Variants in CYP11A1 observed in about 807,000 individuals in gnomAD.
The protein encoded by CYP11A1 is cytochrome P450 family 11 subfamily A member 1.
A neutral mutation model predicts 51.9 loss-of-function variants in CYP11A1; 25 were observed. The observed-to-expected ratio is 0.48, with a 90% CI of 0.35 to 0.67. CYP11A1 has a LOEUF of 0.67. Among genes scored for constraint, CYP11A1 ranks in the 30% least tolerant of loss-of-function variants. The pLI, the probability that CYP11A1 is intolerant of heterozygous loss-of-function variation, is 0.00. For missense variants in CYP11A1, 578 were observed against 680.9 expected, an observed-to-expected ratio of 0.85 and a Z score of 1.68; for synonymous variants, 245 against 262.1, an observed-to-expected ratio of 0.93 and a Z score of 0.63.
intron 1 of CYP11A1, among the ~76,000 whole-genome samples, chr15:74,351,542 A>G (rs949162232): frequency 4.6e-5 from 7 of 152,194 alleles, no homozygotes; most frequent in African/African-American, 1.7e-4. Flanking sequence ...CAGAGGGGAA[A>G]GCCTGCATGT....
intron 1 of CYP11A1, 120 bp downstream of exon 1, chr15:74,367,190 AAAAAAAG>A: frequency 2.0e-6 from 2 of 998,546 alleles, no homozygotes; most frequent in Non-Finnish European, 1.5e-6. Context: ...AAAAAAAAAA[AAAAAAAG>A]AAGTTAGACA....
At position 74,345,114 on chromosome 15, in the gene CYP11A1, G is replaced by A. The variant is rs775659306; in HGVS notation, c.555C>T (p.Arg185=). The change falls in exon 3 of 9, where the codon CGC becomes CGT. Residue 185 remains arginine (R), a synonymous_variant. Coordinates refer to ENST00000268053, the MANE Select transcript of CYP11A1 (RefSeq NM_000781.3). This position sits in a 1 kb window ranked among gnomAD's most constrained non-coding sequence, Gnocchi z 4.3. Reference sequence around the variant, plus strand: ...AATTTCCGGAGCCCGCCTTCTTGATGCGCCTGTGCAGGACACTGACGAAGT... The same window carrying A: ...AATTTCCGGAGCCCGCCTTCTTGATACGCCTGTGCAGGACACTGACGAAGT... ...SRDFVSVLHR[R]IKKAGSGNYS... 21 of 1,613,988 alleles carry A rather than the reference G, an allele frequency of 1.3e-5. No individual in the cohort carries two copies. The Middle Eastern group carries it at 9.9e-4, about 76-fold the overall frequency.
intron 1 of CYP11A1, chr15:74,350,212 C>T (rs1197857917): frequency 9.9e-6 from 3 of 302,936 alleles, no homozygotes; most frequent in Non-Finnish European, 1.4e-5. Context: ...TTGTATCTGA[C>T]TTCAATTTTT....
intron 5 of CYP11A1, 67 bp downstream of exon 5, chr15:74,342,910 G>A: frequency 6.5e-7 from 1 of 1,533,872 alleles, no homozygotes; most frequent in East Asian, 2.2e-5. Flanking sequence ...AGACAACGAG[G>A]GGCCTGGTGG....
rs1207362301 is a variant in CYP11A1, at chr15:74,345,502, G to C, written c.426-259C>G. On this transcript the variant is annotated intron_variant, in intron 2 of 8. Coordinates refer to ENST00000268053, the MANE Select transcript of CYP11A1 (RefSeq NM_000781.3). This position sits in a 1 kb window ranked among gnomAD's most constrained non-coding sequence, Gnocchi z 4.3. ...AACTCCCCTCCACTCCCTCTGCTGA[G>C]GGCCAGGAACTGATATTCTTAGAAC... Among the ~76,000 whole-genome samples the C allele has an allele frequency of 6.6e-6, 1 of 152,192 alleles. No homozygotes were observed. The highest frequency in any genetic ancestry group is 6.5e-5 in the Admixed American group (1 of 15,282).
intron 5 of CYP11A1, among the ~76,000 whole-genome samples, chr15:74,341,281 G>A (rs1307510094): frequency 1.3e-5 from 2 of 152,234 alleles, no homozygotes; most frequent in East Asian, 1.9e-4. Context: ...CTTTGGTGCC[G>A]GTGAGTGATT....
chr15:74,338,543 G>A (rs2060590200), intron 8 of CYP11A1, 28 bp downstream of exon 8: 4 of 1,611,404 alleles, frequency 2.5e-6, no homozygotes, highest in Non-Finnish European at 3.4e-6. Context: ...CCAGCCCAGG[G>A]TGCCTAGATG....
intron 1 of CYP11A1, among the ~76,000 whole-genome samples, chr15:74,360,391 C>T (rs544006700): frequency 6.6e-6 from 1 of 152,160 alleles, no homozygotes; most frequent in South Asian, 2.1e-4. Flanking sequence ...AAGCAATTCT[C>T]TGCCCTAGCC....
rs142064959 is a variant in CYP11A1 at position 74,344,555 on chromosome 15, A to G, written c.625+489T>C. Among the ~76,000 whole-genome samples, 1,019 of 152,300 alleles carry G rather than the reference A, an allele frequency of 6.7e-3. 9 individuals carry two copies. The highest frequency in any genetic ancestry group is 0.023 in the African/African-American group (946 of 41,558). ...GACCACACAATCTTCATCAAGCCAC[A>G]GGGCCTTTGTATGTGTGGTTCCCTC... is the stretch of plus-strand genomic sequence containing the variant. On this transcript the variant is annotated intron_variant, in intron 3 of 8. Coordinates refer to ENST00000268053, the MANE Select transcript of CYP11A1 (RefSeq NM_000781.3).
At chr15:74,365,805 G>C (rs2060729566) in intron 1 of CYP11A1, 2 of 985,462 alleles carry the variant, frequency 2.0e-6, no homozygotes. Flanking sequence ...GCGAGGAGTG[G>C]ATGCTGCAGG....
intron 1 of CYP11A1, chr15:74,362,928 T>A (rs893397343): frequency 6.6e-6 from 1 of 152,120 alleles, no homozygotes; most frequent in African/African-American, 2.4e-5. Flanking sequence ...AAACAAAAAA[T>A]TGATTCACTC....
intron 1 of CYP11A1, among the ~76,000 whole-genome samples, chr15:74,358,206 T>C (rs916133628): frequency 6.6e-6 from 1 of 152,250 alleles, no homozygotes; most frequent in Non-Finnish European, 1.5e-5. Context: ...TGGGCAATGC[T>C]TATGCTGATA....
intron 5 of CYP11A1, among the ~76,000 whole-genome samples, chr15:74,341,852 C>A (rs1293214008): frequency 6.6e-6 from 1 of 152,172 alleles, no homozygotes; most frequent in African/African-American, 2.4e-5. Flanking sequence ...GACACAGACA[C>A]AGAGGGAAGC....
rs1338533495 is a variant in CYP11A1 at position 74,345,291 on chromosome 15, C to G, written c.426-48G>C. On this transcript the variant is annotated intron_variant, in intron 2 of 8. Transcript: ENST00000268053. The surrounding 1 kb of genome is among the most constrained non-coding windows in gnomAD (Gnocchi z 4.3). The stretch of plus-strand genomic sequence containing the variant: ...GCCCTCATGGTCACAGACCCCAGGC[C>G]TGGTGAACACAGAGGGGGCTGACTC... The G allele has an allele frequency of 1.9e-6, 3 of 1,603,790 alleles. No individual in the cohort carries two copies. The Admixed American group carries it at 5.0e-5, about 27-fold the overall frequency.
chr15:74,361,739 G>T, intron 1 of CYP11A1: 1 of 1,264,406 alleles, frequency 7.9e-7, no homozygotes, highest in South Asian at 1.2e-5. Context: ...TTATGTGTCA[G>T]GGTGGTGACT....
chr15:74,343,116 A>T lies in CYP11A1; in HGVS notation c.851T>A (p.Phe284Tyr). The change falls in exon 5 of 9, where the codon TTC becomes TAC. Residue 284 changes from phenylalanine to tyrosine, a missense_variant. By Grantham distance (22) the Phe-to-Tyr change is conservative. Coordinates refer to ENST00000268053, the MANE Select transcript of CYP11A1 (RefSeq NM_000781.3). ...TCCTTTCTGTCTCAATTCCCAGTAG[A>T]AGTTCTGGGTGTATATGTCAGCTGT... The part of the protein sequence containing the change: ...FSKADIYTQN[F>Y]YWELRQKGSV... 2 of 1,613,792 alleles carry T rather than the reference A, an allele frequency of 1.2e-6. No individual in the cohort carries two copies. The highest frequency in any genetic ancestry group is 1.1e-5 in the South Asian group (1 of 91,054).
intron 7 of CYP11A1, among the ~76,000 whole-genome samples, 165 bp from the exon 8 acceptor site, chr15:74,338,933 A>G (rs1294720977): frequency 6.6e-6 from 1 of 152,162 alleles, no homozygotes; most frequent in East Asian, 1.9e-4. Context: ...AGCCTTGAAC[A>G]AGGCCCCGCC....
chr15:74,339,580 G>A lies in CYP11A1; in HGVS notation c.1157+7C>T. ...GTTGGGGGCGGCATGGGTGGTTGTGGGCTTGCCTTAGTGTCTCCTTGATGC... is the reference window on the plus strand; with the variant it reads ...GTTGGGGGCGGCATGGGTGGTTGTGAGCTTGCCTTAGTGTCTCCTTGATGC... On this transcript the variant is annotated splice_region_variant and intron_variant, in intron 6 of 8. Coordinates refer to ENST00000268053, the MANE Select transcript of CYP11A1 (RefSeq NM_000781.3). The A allele has an allele frequency of 6.2e-7, 1 of 1,612,952 alleles. No individual in the cohort carries two copies. The highest frequency in any genetic ancestry group is 8.5e-7 in the Non-Finnish European group (1 of 1,179,074).
intron 8 of CYP11A1, 72 bp downstream of exon 8, chr15:74,338,498 GA>G: frequency 6.9e-7 from 1 of 1,453,566 alleles, no homozygotes; most frequent in African/African-American, 1.4e-5. Flanking sequence ...ACAGAGATAG[GA>G]GGAGGAAGAT....
Sources: gnomAD v4.1 joint callset for allele counts (sites outside exome capture counted in the v4.1 genomes callset) on GRCh38, gnomAD v4.1.1 for gene constraint, Gnocchi (gnomAD v3.1) non-coding constraint, MANE v1.5 for transcripts, NCBI Gene and HGNC (gene_info 2026-07-23, HGNC 2026-07-21) for gene names.